ABCB11: variants seen among roughly 807,000 people sequenced by gnomAD.
The protein encoded by ABCB11 is bile salt export pump.
In ABCB11, 95 loss-of-function variants were observed where a neutral mutation model predicts 148.0. That is an observed-to-expected ratio of 0.64 (90% CI 0.54 to 0.76). The LOEUF is 0.76. Ranked by LOEUF, ABCB11 falls within the 30% of genes least tolerant of loss-of-function variation. ABCB11 has a pLI of 0.00. For synonymous variants in ABCB11, 591 were observed against 555.4 expected, an observed-to-expected ratio of 1.06 and a Z score of -0.90; for missense variants, 1,523 against 1,617.8, an observed-to-expected ratio of 0.94 and a Z score of 1.01.
In ABCB11 at chr2:168,927,302, T is replaced by G; in HGVS notation, c.3472A>C (p.Ile1158Leu). The change falls in exon 26 of 28, where the codon ATT (isoleucine) becomes CTT (leucine). Residue 1158 changes from isoleucine (I) to leucine (L), a missense_variant. Ile to Leu is a conservative substitution (Grantham distance 5). Transcript: ENST00000650372. ...NVQFLRSNIGIVSQEPVLFAC... is the reference protein window; with the variant it reads ...NVQFLRSNIGLVSQEPVLFAC... Reference sequence around the variant, plus strand: ...AACAACACTGGTTCCTGGGAAACAATTCCAATGTTTGAGCGGAGGAACTGG... The same window carrying G: ...AACAACACTGGTTCCTGGGAAACAAGTCCAATGTTTGAGCGGAGGAACTGG... 6.2e-7 allele frequency: 1 copy of G among 1,613,906 alleles called. No individual in the cohort carries two copies. Among genetic ancestry groups the G allele is most frequent in the Non-Finnish European group, 8.5e-7 (1 of 1,179,818 alleles).
At chr2:168,945,018 T>A (rs1692238944) in intron 19 of ABCB11, 57 bp from the exon 20 acceptor site, 2 of 1,214,556 alleles carry the variant, frequency 1.6e-6, no homozygotes, top group African/African-American at 1.6e-5. Flanking sequence ...AATAAATCTA[T>A]TTACATGTTT....
intron 5 of ABCB11, among the ~76,000 whole-genome samples, chr2:168,999,456 T>G (rs1694811021): frequency 6.6e-6 from 1 of 152,044 alleles, no homozygotes; most frequent in Non-Finnish European, 1.5e-5. Context: ...CTCCCTCATA[T>G]TGTCCTTTTA....
In ABCB11 at chr2:168,973,736, G is replaced by C. The variant is rs1037332452; in HGVS notation, c.1413C>G (p.Phe471Leu). The C allele has an allele frequency of 1.9e-6, 3 of 1,611,972 alleles. No individual in the cohort carries two copies. Among genetic ancestry groups the C allele is most frequent in the Admixed American group, 3.3e-5 (2 of 59,888 alleles). Residue 471 changes from phenylalanine (F) to leucine (L), a missense_variant, in exon 13 of 28, where the codon TTC becomes TTG. Physicochemically the swap from Phe to Leu is conservative, Grantham distance 22. Transcript: ENST00000650372. Reference protein sequence around the residue: ...KSTALQLIQRFYDPCEGMVTV... With the variant: ...KSTALQLIQRLYDPCEGMVTV... Reference sequence around the variant, plus strand: ...CCACCATTCCTTCACAGGGGTCATAGAATCGCTGAATGAGTTGCAGTGCTG... The same window carrying C: ...CCACCATTCCTTCACAGGGGTCATACAATCGCTGAATGAGTTGCAGTGCTG...
At chr2:168,933,641 A>G (rs760648740) in intron 23 of ABCB11, among the ~76,000 whole-genome samples, 18 of 152,222 alleles carry the variant, frequency 1.2e-4, no homozygotes, top group Admixed American at 6.5e-4. Context: ...AGCCCAGTTT[A>G]AAGCCTAAGG....
rs142036028 is a variant in ABCB11 at position 168,985,308 on chromosome 2, C to G, written c.1083+802G>C. Among the ~76,000 whole-genome samples the G allele has an allele frequency of 5.3e-4, 81 of 152,152 alleles. 1 individual carries two copies. The East Asian group carries it at 0.015, about 29-fold the overall frequency. ...TCTACACTGTTGGTGGGAATGTAAA[C>G]TAGTACAACAACTATGGAAAACAGT... On this transcript the variant is annotated intron_variant, in intron 10 of 27. Coordinates refer to ENST00000650372, the MANE Select transcript of ABCB11 (RefSeq NM_003742.4).
intron 8 of ABCB11, among the ~76,000 whole-genome samples, chr2:168,992,434 G>C (rs367650063): frequency 6.6e-6 from 1 of 151,992 alleles, no homozygotes; most frequent in East Asian, 1.9e-4. Flanking sequence ...AAAAATGTTT[G>C]CAAAACCCCT....
rs778732580 is a variant in ABCB11, at chr2:168,973,781, G to T, written c.1368C>A (p.Pro456=). The change falls in exon 13 of 28, where the codon CCC becomes CCA. Residue 456 remains proline (P), a synonymous_variant. Coordinates refer to ENST00000650372, the MANE Select transcript of ABCB11 (RefSeq NM_003742.4). ...GTGCTGTACTTTTTCCAGCTCCACTGGGTCCTACCAGAGCTGTCATTTCCC... is the reference window on the plus strand; with the variant it reads ...GTGCTGTACTTTTTCCAGCTCCACTTGGTCCTACCAGAGCTGTCATTTCCC... ...KPGEMTALVG[P]SGAGKSTALQ... is the part of the protein sequence containing the mutation. 1 of 1,612,178 alleles carries T rather than the reference G, an allele frequency of 6.2e-7. No individual in the cohort carries two copies.
intron 1 of ABCB11, among the ~76,000 whole-genome samples, chr2:169,024,314 A>G (rs1353826330): frequency 6.6e-6 from 1 of 152,220 alleles, no homozygotes; most frequent in Non-Finnish European, 1.5e-5. Context: ...GTATTTTTCC[A>G]TCTTAAGCAG....
At chr2:168,919,675 G>A (rs1235734844), downstream of ABCB11, among the ~76,000 whole-genome samples, 1 of 151,510 alleles carries the variant, frequency 6.6e-6, no homozygotes, top group African/African-American at 2.4e-5. Context: ...AAGATGGGGA[G>A]TAGAGGTGTT....
intron 19 of ABCB11, among the ~76,000 whole-genome samples, chr2:168,945,498 G>A (rs1692266004): frequency 6.6e-6 from 1 of 151,466 alleles, no homozygotes; most frequent in Admixed American, 6.6e-5. Flanking sequence ...TGAAAAGGAT[G>A]ATAAAATGAT....
Position 168,951,594 on chromosome 2 carries a change from A to G in ABCB11, c.2343+6370T>C, listed in dbSNP as rs542526063. 1.2e-3 allele frequency among the ~76,000 whole-genome samples: 182 copies of G among 151,698 alleles called. 2 individuals carry two copies. The highest frequency in any genetic ancestry group is 4.2e-3 in the African/African-American group (176 of 41,480). On this transcript the variant is annotated intron_variant, in intron 19 of 27. Transcript: ENST00000650372. The stretch of plus-strand genomic sequence containing the variant: ...AAACACTATTGATTTCTGTAAATTA[A>G]TTTTGTATCCTGAAAGTTTACTGAA...
intron 5 of ABCB11, among the ~76,000 whole-genome samples, chr2:169,008,782 C>T (rs1232053357): frequency 6.6e-6 from 1 of 152,150 alleles, no homozygotes; most frequent in Non-Finnish European, 1.5e-5. Flanking sequence ...ACAGCAATTC[C>T]ACACTTAGAC....
intron 24 of ABCB11, among the ~76,000 whole-genome samples, chr2:168,931,540 G>T (rs968975909): frequency 6.6e-6 from 1 of 152,164 alleles, no homozygotes; most frequent in Non-Finnish European, 1.5e-5. Context: ...TCAATTAGAA[G>T]AACAGATATT....
chr2:169,014,748 G>A (rs922382180), intron 3 of ABCB11, among the ~76,000 whole-genome samples: 1 of 152,062 alleles, frequency 6.6e-6, no homozygotes, highest in Non-Finnish European at 1.5e-5. Flanking sequence ...GCTTCCTCAT[G>A]CTTAAAAATA....
chr2:169,026,192 G>A (rs1038044993), intron 1 of ABCB11, among the ~76,000 whole-genome samples: 5 of 152,174 alleles, frequency 3.3e-5, no homozygotes, highest in Non-Finnish European at 5.9e-5. Context: ...CATGGCTTAG[G>A]TGTGAGTACC....
At chr2:169,030,092 A>G (rs1695823205) in intron 1 of ABCB11, among the ~76,000 whole-genome samples, 1 of 152,226 alleles carries the variant, frequency 6.6e-6, no homozygotes, top group Admixed American at 6.5e-5. Context: ...GATTTCTGCA[A>G]TGAAACTTGG....
At chr2:168,924,062 T>G (rs1335793863) in intron 27 of ABCB11, among the ~76,000 whole-genome samples, 6 of 152,192 alleles carry the variant, frequency 3.9e-5, no homozygotes, top group Admixed American at 6.5e-5. Context: ...ATGAAGTCCC[T>G]ACATAATTTT....
At chr2:168,957,896 A>C (rs1342999234) in intron 19 of ABCB11, 68 bp downstream of exon 19, 1 of 1,319,992 alleles carries the variant, frequency 7.6e-7, no homozygotes, top group Non-Finnish European at 1.0e-6. Flanking sequence ...GAAAACAAAG[A>C]GCGGACTTAT....
At position 168,921,912 on chromosome 2, in the gene ABCB11, G is replaced by C. The variant is rs1311856722; in HGVS notation, c.*1710C>G. Among the ~76,000 whole-genome samples the C allele has an allele frequency of 2.0e-5, 3 of 147,630 alleles. No homozygotes were observed. Among genetic ancestry groups the C allele is most frequent in the Non-Finnish European group, 3.0e-5 (2 of 67,322 alleles). The stretch of plus-strand genomic sequence containing the variant: ...CGCCCAGGCTGGAGTGCAGTGGCGC[G>C]ATCTCGGCTCACTGCAAGCTCCACC... On this transcript the variant is annotated 3_prime_UTR_variant, in exon 28 of 28. Coordinates refer to ENST00000650372, the MANE Select transcript of ABCB11 (RefSeq NM_003742.4).
Sources: allele counts gnomAD v4.1 joint callset (sites outside exome capture counted in the v4.1 genomes callset), GRCh38; gene constraint gnomAD v4.1.1; transcripts MANE v1.5; gene names NCBI Gene and HGNC (gene_info 2026-07-23, HGNC 2026-07-21).